DLG2: variants seen among roughly 807,000 people sequenced by gnomAD.
DLG2 encodes discs large MAGUK scaffold protein 2.
Under a neutral mutation model 132.5 loss-of-function variants are expected in DLG2, and 45 were observed. The observed-to-expected ratio is 0.34, with a 90% CI of 0.27 to 0.44. DLG2 has a LOEUF of 0.44. Ranked by LOEUF, DLG2 falls within the 20% of genes least tolerant of loss-of-function variation. The pLI, the probability that DLG2 is intolerant of heterozygous loss-of-function variation, is 1.00. For synonymous variants in DLG2, 424 were observed against 419.6 expected (o/e 1.01, Z -0.13); for missense variants, 1,045 against 1,196.9 (o/e 0.87, Z 1.87).
intron 3 of DLG2, among the ~76,000 whole-genome samples, chr11:85,408,894 T>A (rs947923512): frequency 2.0e-5 from 3 of 151,924 alleles, no homozygotes; most frequent in Admixed American, 6.6e-5. Context: ...TGATTTATAG[T>A]CCTTTGGGTA....
intron 6 of DLG2, among the ~76,000 whole-genome samples, chr11:84,584,102 T>C (rs1339411363): frequency 1.3e-5 from 2 of 152,116 alleles, no homozygotes; most frequent in Admixed American, 1.3e-4. Context: ...TTCAGCTTTA[T>C]AAAATAATGT....
At chr11:85,561,434 A>C (rs563208497) in intron 3 of DLG2, among the ~76,000 whole-genome samples, 1 of 150,180 alleles carries the variant, frequency 6.7e-6, no homozygotes, top group East Asian at 2.0e-4. Context: ...ATTTTCAAAA[A>C]CCCTGCACTT....
At chr11:84,615,834 A>AAAAAAAAAAAAAAAAAAAC (rs1565462349) in intron 6 of DLG2, among the ~76,000 whole-genome samples, 2 of 147,246 alleles carry the variant, frequency 1.4e-5, no homozygotes, top group Admixed American at 6.7e-5. Context: ...AAAAAAAAAA[A>AAAAAAAAAAAAAAAAAAAC]AAAAAACTTC....
At chr11:84,764,221 G>A (rs2068061445) in intron 6 of DLG2, among the ~76,000 whole-genome samples, 1 of 152,098 alleles carries the variant, frequency 6.6e-6, no homozygotes, top group Non-Finnish European at 1.5e-5. Flanking sequence ...GTGGCAGCTG[G>A]AGGCAGGTGG....
At chr11:84,850,913 G>A (rs557560855) in intron 6 of DLG2, among the ~76,000 whole-genome samples, 13 of 152,000 alleles carry the variant, frequency 8.6e-5, no homozygotes, top group South Asian at 4.1e-4. Flanking sequence ...TAAAAAGACA[G>A]GTCATGTTTA....
intron 3 of DLG2, among the ~76,000 whole-genome samples, chr11:85,438,688 G>C (rs1479337396): frequency 6.6e-6 from 1 of 152,086 alleles, no homozygotes; most frequent in Non-Finnish European, 1.5e-5. Flanking sequence ...GTGTGTGTAT[G>C]TACATGTATA....
At chr11:83,519,571 C>G (rs930057430) in intron 21 of DLG2, among the ~76,000 whole-genome samples, 1 of 152,094 alleles carries the variant, frequency 6.6e-6, no homozygotes, top group African/African-American at 2.4e-5. Flanking sequence ...TATTCTTCAC[C>G]TCATGGGATT....
intron 6 of DLG2, among the ~76,000 whole-genome samples, chr11:84,565,219 C>G (rs1434938810): frequency 6.6e-6 from 1 of 152,120 alleles, no homozygotes; most frequent in Non-Finnish European, 1.5e-5. Context: ...GAAAATAGGT[C>G]TCAGTCAGTA....
At chr11:85,462,650 G>T (rs988087793) in intron 3 of DLG2, among the ~76,000 whole-genome samples, 1 of 151,988 alleles carries the variant, frequency 6.6e-6, no homozygotes, top group Non-Finnish European at 1.5e-5. Context: ...GGGGCCTGTT[G>T]TGGGGTGGGG....
At chr11:83,520,639 G>A (rs61900136) in intron 21 of DLG2, among the ~76,000 whole-genome samples, 4 of 147,954 alleles carry the variant, frequency 2.7e-5, no homozygotes, top group South Asian at 2.2e-4. Flanking sequence ...AGGTAGGTAG[G>A]TAGATAGATA....
At chr11:83,765,133 G>A (rs1237173140) in intron 18 of DLG2, among the ~76,000 whole-genome samples, 1 of 152,128 alleles carries the variant, frequency 6.6e-6, no homozygotes, top group Non-Finnish European at 1.5e-5. Flanking sequence ...TTTTTGTCCT[G>A]GCATTGTAAA....
At chr11:84,691,240 C>T (rs1020908196) in intron 6 of DLG2, among the ~76,000 whole-genome samples, 6 of 151,734 alleles carry the variant, frequency 4.0e-5, no homozygotes, top group African/African-American at 1.5e-4. Context: ...TTAGTAGGAA[C>T]ATATCATCTC....
At chr11:84,696,141 G>T (rs2058592844) in intron 6 of DLG2, among the ~76,000 whole-genome samples, 1 of 151,478 alleles carries the variant, frequency 6.6e-6, no homozygotes, top group Non-Finnish European at 1.5e-5. Context: ...GAATGGTCTG[G>T]TAGGTAAAAA....
chr11:83,760,658 C>A (rs2093864320), intron 18 of DLG2, among the ~76,000 whole-genome samples: 1 of 151,996 alleles, frequency 6.6e-6, no homozygotes, highest in Admixed American at 6.6e-5. Context: ...TCCTGGCCCA[C>A]CATCTCCATC....
chr11:85,325,183 C>T (rs1320101825), intron 3 of DLG2, among the ~76,000 whole-genome samples: 9 of 147,224 alleles, frequency 6.1e-5, no homozygotes, highest in African/African-American at 1.5e-4. Flanking sequence ...AAGGCGGCAA[C>T]GAGGCTGGGG....
chr11:84,564,854 G>C (rs2099445491), intron 6 of DLG2, among the ~76,000 whole-genome samples: 1 of 152,138 alleles, frequency 6.6e-6, no homozygotes, highest in Non-Finnish European at 1.5e-5. Flanking sequence ...TGCACATTCT[G>C]TCCAATTTAG....
At chr11:85,021,677 A>C (rs1294947507) in intron 6 of DLG2, 48 of 1,061,030 alleles carry the variant, frequency 4.5e-5, no homozygotes, top group Non-Finnish European at 6.7e-5. Flanking sequence ...AAGGTTTCTC[A>C]CACAGCTGAA....
In DLG2 at chr11:84,840,550, A is replaced by G. The variant is rs147974489; in HGVS notation, c.357+271111T>C. ...TAAATACACATGCACACATATGTTT[A>G]TTGTGGCACTATTCACAATAGCAAA... On this transcript the variant is annotated intron_variant, in intron 6 of 27. Transcript: ENST00000376104. 8.2e-3 allele frequency among the ~76,000 whole-genome samples: 1,242 copies of G among 152,294 alleles called. 40 individuals carry two copies. The highest frequency in any genetic ancestry group is 0.057 in the Admixed American group (869 of 15,292).
At chr11:84,454,783 A>T (rs764701727) in intron 7 of DLG2, among the ~76,000 whole-genome samples, 5 of 151,508 alleles carry the variant, frequency 3.3e-5, no homozygotes, top group Admixed American at 1.3e-4. Context: ...TGGAAGATGC[A>T]AACAAATTTA....
Sources: gnomAD v4.1 joint callset for allele counts (sites outside exome capture counted in the v4.1 genomes callset) on GRCh38, gnomAD v4.1.1 for gene constraint, MANE v1.5 for transcripts, NCBI Gene and HGNC (gene_info 2026-07-23, HGNC 2026-07-21) for gene names.